CACNA1E: variants seen among roughly 807,000 people sequenced by gnomAD.
CACNA1E encodes voltage-dependent R-type calcium channel subunit alpha-1E.
CACNA1E carries 40 observed loss-of-function variants against 259.2 expected under a neutral mutation model. That is an observed-to-expected ratio of 0.15 (90% CI 0.12 to 0.20). The LOEUF (loss-of-function observed/expected upper bound fraction) is 0.20. CACNA1E is among the 10% of genes least tolerant of loss of function. The pLI is 1.00. For missense variants in CACNA1E, 1,874 were observed against 3,040.1 expected, an observed-to-expected ratio of 0.62 and a Z score of 9.02; for synonymous variants, 1,104 against 1,138.5, an observed-to-expected ratio of 0.97 and a Z score of 0.61.
intron 13 of CACNA1E, 145 bp from the exon 14 acceptor site, chr1:181,720,061 G>T: frequency 1.0e-6 from 1 of 966,350 alleles, no homozygotes; most frequent in Non-Finnish European, 1.5e-6. Flanking sequence ...ATTCCCAAGG[G>T]GAGCAATAGG....
intron 1 of CACNA1E, among the ~76,000 whole-genome samples, chr1:181,388,590 A>G (rs1347532659): frequency 6.6e-6 from 1 of 152,196 alleles, no homozygotes; most frequent in Non-Finnish European, 1.5e-5. Flanking sequence ...AAGGTACAAT[A>G]AAAATATGGT....
At chr1:181,416,468 T>C (rs1260627208) in intron 2 of CACNA1E, among the ~76,000 whole-genome samples, 1 of 152,212 alleles carries the variant, frequency 6.6e-6, no homozygotes, top group East Asian at 1.9e-4. Context: ...AGCCAAAGAA[T>C]GTAGTCATTG....
chr1:181,760,444 A>G (rs1477276745), intron 32 of CACNA1E, among the ~76,000 whole-genome samples: 2 of 152,216 alleles, frequency 1.3e-5, no homozygotes, highest in African/African-American at 2.4e-5. Flanking sequence ...CATAATTGCC[A>G]TTATTGTTGT....
chr1:181,337,292 C>A (rs888777690), intron 1 of CACNA1E, among the ~76,000 whole-genome samples: 165 of 151,408 alleles, frequency 1.1e-3, no homozygotes, highest in African/African-American at 3.8e-3. Flanking sequence ...AGTAGCTGGG[C>A]CTACAGGCGC....
chr1:181,496,030 A>G (rs1664723472), intron 1 of CACNA1E, among the ~76,000 whole-genome samples: 1 of 152,224 alleles, frequency 6.6e-6, no homozygotes, highest in South Asian at 2.1e-4. Context: ...TAAGAGCTGG[A>G]GGCCTGGATC....
At chr1:181,442,655 G>C (rs1220590472) in intron 2 of CACNA1E, among the ~76,000 whole-genome samples, 1 of 152,186 alleles carries the variant, frequency 6.6e-6, no homozygotes, top group Non-Finnish European at 1.5e-5. Context: ...CAGTGACCTG[G>C]TTCTATAATA....
chr1:181,722,097 G>A (rs913129802), intron 16 of CACNA1E, among the ~76,000 whole-genome samples: 2 of 152,196 alleles, frequency 1.3e-5, no homozygotes, highest in Non-Finnish European at 2.9e-5. Flanking sequence ...CAAATCTGTA[G>A]TGTATGCAAA....
intron 39 of CACNA1E, among the ~76,000 whole-genome samples, 157 bp downstream of exon 39, chr1:181,781,680 C>T (rs1660443812): frequency 6.6e-6 from 1 of 152,122 alleles, no homozygotes; most frequent in Non-Finnish European, 1.5e-5. Flanking sequence ...GGAAGGTTCC[C>T]AGGAGGACGA....
At chr1:181,749,293 G>A (rs996490370) in intron 25 of CACNA1E, among the ~76,000 whole-genome samples, 3 of 152,126 alleles carry the variant, frequency 2.0e-5, no homozygotes, top group Admixed American at 2.0e-4. Flanking sequence ...GCCAGGATAG[G>A]GAATCATGAG....
chr1:181,543,071 G>T (rs1668721554), intron 3 of CACNA1E, among the ~76,000 whole-genome samples: 1 of 151,912 alleles, frequency 6.6e-6, no homozygotes, highest in Non-Finnish European at 1.5e-5. Context: ...AAATATTAGA[G>T]AATACTCTGT....
chr1:181,678,750 T>C (rs1456524650), intron 7 of CACNA1E, among the ~76,000 whole-genome samples: 1 of 152,234 alleles, frequency 6.6e-6, no homozygotes, highest in Non-Finnish European at 1.5e-5. Context: ...GCACATTTTC[T>C]AACCTTTCTC....
intron 32 of CACNA1E, among the ~76,000 whole-genome samples, chr1:181,760,830 C>G (rs1262617464): frequency 6.6e-6 from 1 of 152,160 alleles, no homozygotes; most frequent in African/African-American, 2.4e-5. Context: ...ATACCATATA[C>G]CAGTGTTCTA....
At chr1:181,792,546 A>G (rs995297649) in intron 44 of CACNA1E, among the ~76,000 whole-genome samples, 23 of 152,352 alleles carry the variant, frequency 1.5e-4, no homozygotes, top group African/African-American at 4.8e-4. Flanking sequence ...AACAAACACT[A>G]TAACTCCCTC....
At chr1:181,640,359 C>T (rs1467784909) in intron 6 of CACNA1E, among the ~76,000 whole-genome samples, 1 of 152,144 alleles carries the variant, frequency 6.6e-6, no homozygotes, top group African/African-American at 2.4e-5. Context: ...GCATGTCTTC[C>T]ATTGATGCTG....
At chr1:181,795,968 G>GA (rs1661771636) in intron 46 of CACNA1E, among the ~76,000 whole-genome samples, 2 of 151,910 alleles carry the variant, frequency 1.3e-5, no homozygotes, top group South Asian at 4.2e-4. Flanking sequence ...TTAGTTCATA[G>GA]AAATTTCTTA....
intron 6 of CACNA1E, among the ~76,000 whole-genome samples, chr1:181,633,952 C>G (rs1656978831): frequency 1.3e-5 from 2 of 152,226 alleles, no homozygotes; most frequent in Non-Finnish European, 1.5e-5. Context: ...TTCCTATTAG[C>G]CTATGATGTC....
intron 2 of CACNA1E, among the ~76,000 whole-genome samples, chr1:181,427,451 T>A (rs1659373133): frequency 7.7e-6 from 1 of 129,604 alleles, no homozygotes. Context: ...AGCCTCTTCC[T>A]CATCCTAACC....
chr1:181,599,999 C>T (rs1402751941), intron 6 of CACNA1E, among the ~76,000 whole-genome samples: 1 of 152,152 alleles, frequency 6.6e-6, no homozygotes, highest in Non-Finnish European at 1.5e-5. Flanking sequence ...TGTATACTGT[C>T]AGGTAGTGAT....
chr1:181,636,260 G>A (rs924542095), intron 6 of CACNA1E, among the ~76,000 whole-genome samples: 1 of 152,148 alleles, frequency 6.6e-6, no homozygotes, highest in Non-Finnish European at 1.5e-5. Context: ...GTCCTGACTT[G>A]TCATTATCTG....
Sources: allele counts gnomAD v4.1 joint callset (sites outside exome capture counted in the v4.1 genomes callset), GRCh38; gene constraint gnomAD v4.1.1; transcripts MANE v1.5; gene names NCBI Gene and HGNC (gene_info 2026-07-23, HGNC 2026-07-21).